MOB3B: variants seen among roughly 807,000 people sequenced by gnomAD.
MOB3B encodes MOB kinase activator 3B.
In MOB3B, 7 loss-of-function variants were observed where a neutral mutation model predicts 18.7. That is an observed-to-expected ratio of 0.37 (90% CI 0.21 to 0.70). MOB3B has a LOEUF of 0.70. Among genes scored for constraint, MOB3B ranks in the 30% least tolerant of loss-of-function variants. The pLI, the probability that MOB3B is intolerant of heterozygous loss-of-function variation, is 0.52. For synonymous variants in MOB3B, 111 were observed against 99.9 expected (o/e 1.11, Z -0.66); for missense variants, 253 against 281.3 (o/e 0.90, Z 0.72).
intron 1 of MOB3B, among the ~76,000 whole-genome samples, chr9:27,479,970 T>C (rs1411098825): frequency 6.6e-6 from 1 of 151,632 alleles, no homozygotes; most frequent in African/African-American, 2.4e-5. Flanking sequence ...GGCAGGAGAA[T>C]TGCTTTAGCC....
chr9:27,480,440 C>T (rs560057140), intron 1 of MOB3B, among the ~76,000 whole-genome samples: 2 of 152,258 alleles, frequency 1.3e-5, no homozygotes, highest in South Asian at 2.1e-4. Flanking sequence ...GCTGGGACTA[C>T]AGGCACCCGC....
At chr9:27,434,417 G>A (rs62541570) in intron 2 of MOB3B, among the ~76,000 whole-genome samples, 26,520 of 151,922 alleles carry the variant, frequency 0.17, 2,622 homozygotes, top group Middle Eastern at 0.27. Context: ...TAAATGTGGT[G>A]TGCCTCAAAG....
chr9:27,423,659 G>T (rs1271274772), intron 2 of MOB3B, among the ~76,000 whole-genome samples: 1 of 152,122 alleles, frequency 6.6e-6, no homozygotes, highest in Admixed American at 6.5e-5. Context: ...GTAATAACTG[G>T]TTTAGTATCT....
rs1450422090 is a variant in MOB3B, at chr9:27,493,356, T to A, written c.-199+36199A>T. Among the ~76,000 whole-genome samples, 3 of 152,166 alleles carry A rather than the reference T, an allele frequency of 2.0e-5. No homozygotes were observed. In the East Asian group the frequency reaches 5.8e-4, roughly 29 times the overall value. ...TCTCTAAACATAAATTGTAAAGATT[T>A]CAGGCTGGTCGTGGTGGCTCACACC... is the stretch of plus-strand genomic sequence containing the variant. On this transcript the variant is annotated intron_variant, in intron 1 of 3. Coordinates refer to ENST00000262244, the MANE Select transcript of MOB3B (RefSeq NM_024761.5).
At chr9:27,427,089 G>A (rs1272116950) in intron 2 of MOB3B, among the ~76,000 whole-genome samples, 2 of 152,182 alleles carry the variant, frequency 1.3e-5, no homozygotes, top group Non-Finnish European at 2.9e-5. Context: ...GAATTCCAGG[G>A]CAGGGAGTGA....
chr9:27,465,650 C>A (rs1217966665), intron 1 of MOB3B, among the ~76,000 whole-genome samples: 2 of 152,226 alleles, frequency 1.3e-5, no homozygotes, highest in African/African-American at 4.8e-5. Flanking sequence ...GCCCCTGCAG[C>A]AAACTTTTGC....
chr9:27,382,926 A>G (rs1336796279), intron 2 of MOB3B, among the ~76,000 whole-genome samples: 1 of 152,166 alleles, frequency 6.6e-6, no homozygotes, highest in Non-Finnish European at 1.5e-5. Flanking sequence ...TGTTAAAGAT[A>G]TGAATGATGA....
chr9:27,454,901 C>T (rs1003464501), intron 2 of MOB3B, among the ~76,000 whole-genome samples: 7 of 152,156 alleles, frequency 4.6e-5, no homozygotes, highest in African/African-American at 1.7e-4. Context: ...TTCACCAAGT[C>T]AGTGTTCCCC....
chr9:27,513,656 C>T (rs891156789), intron 1 of MOB3B, among the ~76,000 whole-genome samples: 2 of 152,170 alleles, frequency 1.3e-5, no homozygotes, highest in East Asian at 1.9e-4. Flanking sequence ...TGCTCCCTTC[C>T]AGCTTTGTAC....
intron 1 of MOB3B, among the ~76,000 whole-genome samples, chr9:27,480,823 A>G (rs1165394868): frequency 6.6e-6 from 1 of 152,270 alleles, no homozygotes; most frequent in Non-Finnish European, 1.5e-5. Context: ...GAAAAAAAGA[A>G]GGAATTTTAA....
At chr9:27,411,927 A>C (rs2131402477) in intron 2 of MOB3B, among the ~76,000 whole-genome samples, 1 of 152,332 alleles carries the variant, frequency 6.6e-6, no homozygotes, top group Non-Finnish European at 1.5e-5. Context: ...TTGTGGGAGG[A>C]AGGGGCATGT....
chr9:27,512,794 A>G (rs369062901), intron 1 of MOB3B, among the ~76,000 whole-genome samples: 3 of 152,330 alleles, frequency 2.0e-5, no homozygotes, highest in South Asian at 4.1e-4. Context: ...TCACAATTAT[A>G]TGATTATATT....
At chr9:27,447,406 C>A (rs1039646988) in intron 2 of MOB3B, among the ~76,000 whole-genome samples, 16 of 152,192 alleles carry the variant, frequency 1.1e-4, no homozygotes, top group African/African-American at 3.9e-4. Flanking sequence ...AGCAGATGCC[C>A]CCATCCCCAC....
intron 1 of MOB3B, among the ~76,000 whole-genome samples, chr9:27,479,951 AG>A (rs1024054787): frequency 6.6e-6 from 1 of 151,916 alleles, no homozygotes; most frequent in Admixed American, 6.6e-5. Flanking sequence ...TAGCTACTTG[AG>A]AAGCTGAGGC....
At position 27,338,913 on chromosome 9, in the gene MOB3B, C is replaced by A. The variant is rs148541323; in HGVS notation, c.622-8297G>T. Among the ~76,000 whole-genome samples the A allele has an allele frequency of 2.2e-3, 336 of 152,354 alleles. 2 individuals are homozygous for A. The highest frequency in any genetic ancestry group is 7.6e-3 in the African/African-American group (318 of 41,594). ...AGGCAGGTAACTCCACAAGTGGGGC[C>A]TCCTGGGGCATGACTTTCTAAGGAG... On this transcript the variant is annotated intron_variant, in intron 3 of 3. Coordinates refer to ENST00000262244, the MANE Select transcript of MOB3B (RefSeq NM_024761.5).
At chr9:27,420,486 T>A (rs1331382217) in intron 2 of MOB3B, among the ~76,000 whole-genome samples, 1 of 145,972 alleles carries the variant, frequency 6.9e-6, no homozygotes, top group African/African-American at 2.5e-5. Flanking sequence ...TCTATATATT[T>A]CATATATATT....
intron 1 of MOB3B, among the ~76,000 whole-genome samples, chr9:27,484,451 CT>C (rs1819705312): frequency 6.6e-6 from 1 of 152,298 alleles, no homozygotes; most frequent in South Asian, 2.1e-4. Context: ...ACATTTCTCC[CT>C]GTGCAAAACT....
rs1822353138 is a variant in MOB3B, at chr9:27,427,576, C to G, written c.418+27557G>C. On this transcript the variant is annotated intron_variant, in intron 2 of 3. Transcript: ENST00000262244. Reference sequence around the variant, plus strand: ...CACTAATAAATCTCAGATTTTCTAACAAACTCGAGAGATGGATTTACTCCA... The same window carrying G: ...CACTAATAAATCTCAGATTTTCTAAGAAACTCGAGAGATGGATTTACTCCA... Among the ~76,000 whole-genome samples, 7 of 152,316 alleles carry G rather than the reference C, an allele frequency of 4.6e-5. No homozygotes were observed. The South Asian group carries it at 1.4e-3, about 32-fold the overall frequency.
At chr9:27,398,821 T>C (rs940317432) in intron 2 of MOB3B, among the ~76,000 whole-genome samples, 4 of 152,230 alleles carry the variant, frequency 2.6e-5, no homozygotes, top group African/African-American at 7.2e-5. Context: ...CTAAGAGAGA[T>C]ACCAGGGACT....
Sources: allele counts gnomAD v4.1 joint callset (sites outside exome capture counted in the v4.1 genomes callset), GRCh38; gene constraint gnomAD v4.1.1; transcripts MANE v1.5; gene names NCBI Gene and HGNC (gene_info 2026-07-23, HGNC 2026-07-21).